Variants in CAMKMT observed in about 807,000 individuals in gnomAD.
CAMKMT encodes the protein CaM KMT.
Under a neutral mutation model 48.0 loss-of-function variants are expected in CAMKMT, and 53 were observed. That is an observed-to-expected ratio of 1.10 (90% CI 0.89 to 1.39). The LOEUF (loss-of-function observed/expected upper bound fraction) is 1.39. Ranked by LOEUF, CAMKMT falls within the 40% of genes most tolerant of loss-of-function variation. The pLI is 0.00. For synonymous variants in CAMKMT, 165 were observed against 152.3 expected, an observed-to-expected ratio of 1.08 and a Z score of -0.61; for missense variants, 428 against 402.7, an observed-to-expected ratio of 1.06 and a Z score of -0.54.
At chr2:44,523,760 G>T (rs926666043) in intron 3 of CAMKMT, among the ~76,000 whole-genome samples, 1 of 146,676 alleles carries the variant, frequency 6.8e-6, no homozygotes, top group African/African-American at 2.5e-5. Flanking sequence ...AGAGCCTCCA[G>T]AGAGCGAGCA....
rs1208426480 is a variant in CAMKMT at position 44,467,636 on chromosome 2, A to G, written c.376+77331A>G. ...CTACAAAGCGACAGTCAGCAAAACA[A>G]TATGGTACTGGCATGAAAACTAACA... On this transcript the variant is annotated intron_variant, in intron 3 of 10. Coordinates refer to ENST00000378494, the MANE Select transcript of CAMKMT (RefSeq NM_024766.5). 2.0e-5 allele frequency among the ~76,000 whole-genome samples: 3 copies of G among 152,300 alleles called. No individual in the cohort carries two copies. In the East Asian group the frequency reaches 5.8e-4, roughly 29 times the overall value.
intron 3 of CAMKMT, among the ~76,000 whole-genome samples, chr2:44,452,928 G>A (rs1167885144): frequency 6.6e-6 from 1 of 151,996 alleles, no homozygotes; most frequent in Non-Finnish European, 1.5e-5. Flanking sequence ...CAGGTTTTAT[G>A]TGTCTTTTTA....
At position 44,373,407 on chromosome 2, in the gene CAMKMT, A is replaced by G. The variant is rs375561291; in HGVS notation, c.311+519A>G. Reference sequence around the variant, plus strand: ...TGTTCTGACTTTAAAAATCATTAGAAAAGAGACAAGAGAGTTACAGACTGC... The same window carrying G: ...TGTTCTGACTTTAAAAATCATTAGAGAAGAGACAAGAGAGTTACAGACTGC... On this transcript the variant is annotated intron_variant, in intron 2 of 10. Coordinates refer to ENST00000378494, the MANE Select transcript of CAMKMT (RefSeq NM_024766.5). Among the ~76,000 whole-genome samples, 12 of 152,342 alleles carry G rather than the reference A, an allele frequency of 7.9e-5. No individual in the cohort carries two copies. In the East Asian group the frequency reaches 9.6e-4, roughly 12 times the overall value.
intron 3 of CAMKMT, among the ~76,000 whole-genome samples, chr2:44,435,265 T>C (rs907937999): frequency 3.3e-5 from 5 of 152,106 alleles, no homozygotes; most frequent in African/African-American, 1.2e-4. Context: ...AACAAATACA[T>C]CATTAATCTG....
At chr2:44,606,155 C>G (rs921019567) in intron 3 of CAMKMT, among the ~76,000 whole-genome samples, 7 of 152,144 alleles carry the variant, frequency 4.6e-5, no homozygotes, top group African/African-American at 1.7e-4. Context: ...CTGTCTACTA[C>G]TTTCCCCAAT....
chr2:44,707,422 A>G lies in CAMKMT; in HGVS notation c.516A>G (p.Lys172=). The G allele has an allele frequency of 6.2e-7, 1 of 1,612,696 alleles. No homozygotes were observed. Among genetic ancestry groups the G allele is most frequent in the Non-Finnish European group, 8.5e-7 (1 of 1,179,284 alleles). The part of the protein sequence containing the change: ...GLMVAISADV[K]EVLLTDGNEK... The stretch of plus-strand genomic sequence containing the variant: ...AGGTTGCTATTTCTGCAGATGTCAA[A>G]GAAGTTCTGTTAACTGATGGGAATG... The change falls in exon 6 of 11, where the codon AAA becomes AAG. Residue 172 remains lysine, a synonymous_variant. Coordinates refer to ENST00000378494, the MANE Select transcript of CAMKMT (RefSeq NM_024766.5).
At chr2:44,763,789 G>A (rs1219135878) in intron 9 of CAMKMT, among the ~76,000 whole-genome samples, 4 of 152,184 alleles carry the variant, frequency 2.6e-5, no homozygotes, top group African/African-American at 9.7e-5. Flanking sequence ...ACCCCAACCA[G>A]GGCATGTGGA....
intron 3 of CAMKMT, among the ~76,000 whole-genome samples, chr2:44,478,802 C>T (rs1214102324): frequency 1.3e-5 from 2 of 151,730 alleles, no homozygotes; most frequent in Non-Finnish European, 2.9e-5. Context: ...CTGGGTTCAC[C>T]CCATTCTCCT....
intron 3 of CAMKMT, among the ~76,000 whole-genome samples, chr2:44,644,962 G>A (rs1490591195): frequency 3.3e-5 from 5 of 152,160 alleles, no homozygotes; most frequent in Non-Finnish European, 1.5e-5. Context: ...CTCTCAAACA[G>A]ACTTGTATTG....
chr2:44,545,527 T>G (rs936532926), intron 3 of CAMKMT, among the ~76,000 whole-genome samples: 1 of 152,112 alleles, frequency 6.6e-6, no homozygotes, highest in Non-Finnish European at 1.5e-5. Flanking sequence ...CTAGTACACA[T>G]GCAGTTTTTG....
At chr2:44,423,962 G>A (rs886279690) in intron 3 of CAMKMT, among the ~76,000 whole-genome samples, 1 of 152,064 alleles carries the variant, frequency 6.6e-6, no homozygotes, top group African/African-American at 2.4e-5. Flanking sequence ...CAACATTCCT[G>A]AGATATGTAT....
At chr2:44,398,614 A>G (rs1166696546) in intron 3 of CAMKMT, among the ~76,000 whole-genome samples, 1 of 148,104 alleles carries the variant, frequency 6.8e-6, no homozygotes, top group Non-Finnish European at 1.5e-5. Context: ...CGATAATACA[A>G]TAGTAATAAC....
At chr2:44,565,098 A>G (rs1254641366) in intron 3 of CAMKMT, among the ~76,000 whole-genome samples, 2 of 152,150 alleles carry the variant, frequency 1.3e-5, no homozygotes, top group Admixed American at 1.3e-4. Flanking sequence ...CATCTTTCTC[A>G]TCTTTGTCTC....
At chr2:44,388,987 C>T (rs1681050430) in intron 2 of CAMKMT, among the ~76,000 whole-genome samples, 1 of 152,146 alleles carries the variant, frequency 6.6e-6, no homozygotes, top group African/African-American at 2.4e-5. Context: ...GGTTGACCTC[C>T]TGCTGGGAGG....
At chr2:44,744,394 G>T (rs1037311105) in intron 8 of CAMKMT, among the ~76,000 whole-genome samples, 2 of 152,030 alleles carry the variant, frequency 1.3e-5, no homozygotes, top group African/African-American at 4.8e-5. Context: ...AAGTCTGATC[G>T]TAAGTTACAG....
At chr2:44,379,039 G>T (rs570475187) in intron 2 of CAMKMT, among the ~76,000 whole-genome samples, 9 of 152,238 alleles carry the variant, frequency 5.9e-5, no homozygotes, top group African/African-American at 1.7e-4. Context: ...ACCCTGAAAA[G>T]AAACCCCATA....
At chr2:44,552,571 T>C (rs1264340705) in intron 3 of CAMKMT, among the ~76,000 whole-genome samples, 1 of 152,176 alleles carries the variant, frequency 6.6e-6, no homozygotes, top group East Asian at 1.9e-4. Context: ...AGGCAACCAC[T>C]CACCTCCATA....
chr2:44,659,157 C>G (rs1410072094), intron 3 of CAMKMT, among the ~76,000 whole-genome samples: 2 of 147,404 alleles, frequency 1.4e-5, no homozygotes, highest in African/African-American at 5.0e-5. Context: ...CACAGTGGCT[C>G]ACACCTGTAA....
intron 3 of CAMKMT, among the ~76,000 whole-genome samples, chr2:44,518,878 T>C (rs1670962397): frequency 1.3e-5 from 2 of 152,168 alleles, no homozygotes; most frequent in African/African-American, 4.8e-5. Flanking sequence ...GCTGAAGTGT[T>C]GAAGGTTGAA....
Sources: allele counts gnomAD v4.1 joint callset (sites outside exome capture counted in the v4.1 genomes callset), GRCh38; gene constraint gnomAD v4.1.1; transcripts MANE v1.5; gene names NCBI Gene and HGNC (gene_info 2026-07-23, HGNC 2026-07-21).